The following GSE1 variants were observed in gnomAD, a reference collection of about 807,000 sequenced individuals.
The protein encoded by GSE1 is Gse1 coiled-coil protein, also known as genetic suppressor element 1.
Under a neutral mutation model 112.6 loss-of-function variants are expected in GSE1, and 32 were observed. The ratio of observed to expected loss-of-function variants is 0.28; its 90% CI spans 0.21 to 0.38. The LOEUF (loss-of-function observed/expected upper bound fraction) is 0.38, where lower values mean the gene tolerates loss of function less well. Among genes scored for constraint, GSE1 ranks in the 10% least tolerant of loss-of-function variants. The pLI is 1.00. For missense variants in GSE1, 2,348 were observed against 1,699.2 expected (o/e 1.38, Z -6.71); for synonymous variants, 1,115 against 735.6 (o/e 1.52, Z -8.35).
At chr16:85,438,614 C>T (rs984510455) in intron 2 of GSE1, among the ~76,000 whole-genome samples, 2 of 152,188 alleles carry the variant, frequency 1.3e-5, no homozygotes, top group Non-Finnish European at 2.9e-5. Flanking sequence ...GGAAGGGAGT[C>T]ACCAGAATTC....
intron 13 of GSE1, chr16:85,666,654 G>C (rs1567762259): frequency 2.8e-6 from 1 of 360,282 alleles, no homozygotes; most frequent in East Asian, 6.2e-5. Flanking sequence ...TTTTTGCAGA[G>C]ATTAAAAGAT....
At chr16:85,600,685 C>T (rs965028794) in intron 1 of GSE1, among the ~76,000 whole-genome samples, 14 of 152,004 alleles carry the variant, frequency 9.2e-5, no homozygotes, top group African/African-American at 3.4e-4. Context: ...GAGGGGCTGG[C>T]GTAGCATCGC....
At chr16:85,520,868 C>T (rs1362260758) in intron 2 of GSE1, among the ~76,000 whole-genome samples, 3 of 152,172 alleles carry the variant, frequency 2.0e-5, no homozygotes, top group African/African-American at 4.8e-5. Flanking sequence ...AACAGGGCAG[C>T]GTCCTAAGTA....
chr16:85,273,486 A>C (rs1462298474), intron 1 of GSE1, among the ~76,000 whole-genome samples: 2 of 152,194 alleles, frequency 1.3e-5, no homozygotes, highest in Non-Finnish European at 2.9e-5. Context: ...AAAAGGAGTG[A>C]AGTGCAGATC....
At chr16:85,615,403 C>G (rs1424586723) in intron 1 of GSE1, among the ~76,000 whole-genome samples, 2 of 151,144 alleles carry the variant, frequency 1.3e-5, no homozygotes, top group Non-Finnish European at 2.9e-5. Flanking sequence ...CGTTCCTGAT[C>G]TCCTGCGGGC....
chr16:85,635,967 G>A (rs556986868), intron 2 of GSE1, among the ~76,000 whole-genome samples: 12 of 152,332 alleles, frequency 7.9e-5, no homozygotes, highest in South Asian at 2.1e-4. Context: ...CTTCCTCTCC[G>A]CTGCCCCATG....
At chr16:85,303,476 C>G (rs368751205) in intron 1 of GSE1, among the ~76,000 whole-genome samples, 84 of 151,712 alleles carry the variant, frequency 5.5e-4, no homozygotes, top group African/African-American at 1.9e-3. Context: ...CGCCGCACCC[C>G]CGCCGCTGTC....
chr16:85,456,884 G>T (rs1463449347), intron 2 of GSE1, among the ~76,000 whole-genome samples: 3 of 152,116 alleles, frequency 2.0e-5, no homozygotes, highest in African/African-American at 7.2e-5. Flanking sequence ...ACACCGGCAG[G>T]CTGTGTTTTC....
chr16:85,618,034 C>G (rs933729721), intron 1 of GSE1, among the ~76,000 whole-genome samples: 1 of 152,130 alleles, frequency 6.6e-6, no homozygotes, highest in Non-Finnish European at 1.5e-5. Flanking sequence ...GTGCTTTGAG[C>G]TCTTCTAAAG....
At chr16:85,648,991 G>A (rs979475246) in intron 3 of GSE1, among the ~76,000 whole-genome samples, 3 of 152,118 alleles carry the variant, frequency 2.0e-5, no homozygotes, top group Non-Finnish European at 4.4e-5. Flanking sequence ...ACCCGCTGGG[G>A]GTGTCCCGTT....
intron 1 of GSE1, among the ~76,000 whole-genome samples, chr16:85,186,845 T>C (rs2074713383): frequency 6.6e-6 from 1 of 152,150 alleles, no homozygotes; most frequent in Non-Finnish European, 1.5e-5. Context: ...ATGATGGTGG[T>C]GGTGATAAAG....
chr16:85,565,394 CA>C (rs36033236), intron 1 of GSE1, among the ~76,000 whole-genome samples: 11 of 119,426 alleles, frequency 9.2e-5, no homozygotes, highest in Admixed American at 1.7e-4. Context: ...GACTCTGTCT[CA>C]AAAAAAAAAA....
At chr16:85,444,326 C>T (rs2049455236) in intron 2 of GSE1, among the ~76,000 whole-genome samples, 1 of 152,182 alleles carries the variant, frequency 6.6e-6, no homozygotes, top group South Asian at 2.1e-4. Context: ...TAAGCAAAGG[C>T]AACCAGGGGA....
intron 1 of GSE1, chr16:85,283,638 G>C (rs948122210): frequency 2.6e-5 from 4 of 152,276 alleles, no homozygotes; most frequent in Non-Finnish European, 5.9e-5. Flanking sequence ...TTTGATGCAC[G>C]CTGCAACCTT....
chr16:85,415,399 A>G (rs889349178), intron 2 of GSE1, among the ~76,000 whole-genome samples: 2 of 152,196 alleles, frequency 1.3e-5, no homozygotes, highest in African/African-American at 4.8e-5. Flanking sequence ...TGACTATATA[A>G]TGACTGTTAC....
intron 1 of GSE1, among the ~76,000 whole-genome samples, chr16:85,337,346 C>T (rs1210812932): frequency 1.3e-5 from 2 of 149,488 alleles, no homozygotes; most frequent in Admixed American, 6.7e-5. Context: ...CGCTCTGTCG[C>T]CCAGGCTGGA....
At chr16:85,568,577 T>C (rs372131351) in intron 1 of GSE1, among the ~76,000 whole-genome samples, 11 of 152,220 alleles carry the variant, frequency 7.2e-5, no homozygotes, top group East Asian at 3.8e-4. Context: ...ATATTCATCG[T>C]TGACTTCAGT....
chr16:85,442,674 C>T (rs1453909399), intron 2 of GSE1, among the ~76,000 whole-genome samples: 4 of 152,178 alleles, frequency 2.6e-5, no homozygotes, highest in Non-Finnish European at 5.9e-5. Context: ...CAGGTGGCAT[C>T]GTGAGCCAGG....
chr16:85,176,071 C>T (rs904009515), intron 1 of GSE1, among the ~76,000 whole-genome samples: 1 of 152,186 alleles, frequency 6.6e-6, no homozygotes, highest in Admixed American at 6.5e-5. Context: ...TCACTGCAGC[C>T]TCCCCCTCCT....
Sources: allele counts gnomAD v4.1 joint callset (sites outside exome capture counted in the v4.1 genomes callset), GRCh38; gene constraint gnomAD v4.1.1; transcripts MANE v1.5; gene names NCBI Gene and HGNC (gene_info 2026-07-23, HGNC 2026-07-21).